The following SEZ6 variants were observed in gnomAD, a reference collection of about 807,000 sequenced individuals.
SEZ6 encodes the protein seizure protein 6 homolog.
A neutral mutation model predicts 101.0 loss-of-function variants in SEZ6; 53 were observed. The observed-to-expected ratio is 0.52, with a 90% CI of 0.42 to 0.66. SEZ6 has a LOEUF of 0.66. SEZ6 is among the 30% of genes least tolerant of loss of function. The pLI, the probability that SEZ6 is intolerant of heterozygous loss-of-function variation, is 0.00. For missense variants in SEZ6, 1,102 were observed against 1,289.4 expected (o/e 0.85, Z 2.23); for synonymous variants, 488 against 512.2 (o/e 0.95, Z 0.64).
At chr17:28,982,508 C>T (rs1467351597) in intron 1 of SEZ6, among the ~76,000 whole-genome samples, 3 of 152,216 alleles carry the variant, frequency 2.0e-5, no homozygotes, top group Admixed American at 6.5e-5. Context: ...AAGTGTGTCT[C>T]CCACCACAGT....
intron 3 of SEZ6, among the ~76,000 whole-genome samples, chr17:28,974,440 C>G (rs2041194437): frequency 6.6e-6 from 1 of 152,194 alleles, no homozygotes; most frequent in African/African-American, 2.4e-5. Context: ...CCTCACACAC[C>G]CGTGCTCCCT....
chr17:28,979,902 T>C (rs1411173195), intron 2 of SEZ6, 89 bp from the exon 3 acceptor site: 4 of 1,305,212 alleles, frequency 3.1e-6, no homozygotes, highest in Non-Finnish European at 4.1e-6. Context: ...TGTGTGTGTG[T>C]GTGTGTGTGT....
intron 1 of SEZ6, among the ~76,000 whole-genome samples, chr17:29,002,898 A>G (rs2041633518): frequency 1.3e-5 from 2 of 152,036 alleles, no homozygotes; most frequent in African/African-American, 4.8e-5. Context: ...TCCCTTCCAG[A>G]CATCATCCCT....
chr17:28,974,267 T>C (rs1478899468), intron 3 of SEZ6, among the ~76,000 whole-genome samples: 1 of 152,176 alleles, frequency 6.6e-6, no homozygotes, highest in Non-Finnish European at 1.5e-5. Flanking sequence ...TAGGCTCTCT[T>C]GGTCACCATC....
intron 5 of SEZ6, 140 bp from the exon 6 acceptor site, chr17:28,961,113 G>A (rs1022206169): frequency 3.4e-5 from 36 of 1,063,300 alleles, no homozygotes; most frequent in Admixed American, 9.8e-5. Flanking sequence ...GGCCCTCATC[G>A]TCCTGAAGGT....
At chr17:28,994,709 C>T (rs956755761) in intron 1 of SEZ6, among the ~76,000 whole-genome samples, 7 of 151,264 alleles carry the variant, frequency 4.6e-5, no homozygotes, top group Middle Eastern at 3.5e-3. Flanking sequence ...GCGTCCGGCC[C>T]GGTTACTGAC....
At chr17:29,006,215 G>A, upstream of SEZ6, 1 of 193,368 alleles carries the variant, frequency 5.2e-6, no homozygotes. Flanking sequence ...CTTCTGCGCT[G>A]CCCACCCCCA....
At chr17:28,958,881 C>G (rs755029226) in intron 10 of SEZ6, 144 bp downstream of exon 10, 21 of 910,582 alleles carry the variant, frequency 2.3e-5, no homozygotes, top group Non-Finnish European at 3.4e-5. Context: ...AGATGGAGAA[C>G]AGGACTAGCT....
intron 1 of SEZ6, among the ~76,000 whole-genome samples, chr17:29,003,618 A>G (rs1368449283): frequency 6.6e-6 from 1 of 152,038 alleles, no homozygotes; most frequent in East Asian, 1.9e-4. Context: ...GTGCCCAGGA[A>G]CCCCGGGATG....
intron 1 of SEZ6, 48 bp from the exon 2 acceptor site, chr17:28,982,087 C>A (rs2041316113): frequency 6.6e-6 from 10 of 1,517,704 alleles, no homozygotes; most frequent in Non-Finnish European, 1.8e-6. Context: ...CTCCAGAGAG[C>A]AGCATCACGC....
chr17:28,998,909 CATA>C (rs2041578674), intron 1 of SEZ6, among the ~76,000 whole-genome samples: 2 of 152,186 alleles, frequency 1.3e-5, no homozygotes, highest in African/African-American at 4.8e-5. Flanking sequence ...GTAGCTGGAT[CATA>C]TAGGTGCTGT....
At chr17:29,003,739 T>A (rs1321089846) in intron 1 of SEZ6, among the ~76,000 whole-genome samples, 6 of 152,168 alleles carry the variant, frequency 3.9e-5, no homozygotes, top group Non-Finnish European at 7.3e-5. Flanking sequence ...ATCCCAGCCC[T>A]CTCATCCTCA....
intron 1 of SEZ6, among the ~76,000 whole-genome samples, chr17:28,998,096 G>C (rs2041567326): frequency 6.6e-6 from 1 of 151,934 alleles, no homozygotes; most frequent in African/African-American, 2.4e-5. Context: ...GAGGGAAGGA[G>C]AGAGGAAGGG....
At chr17:28,964,886 G>C (rs939851307) in intron 4 of SEZ6, among the ~76,000 whole-genome samples, 1 of 145,618 alleles carries the variant, frequency 6.9e-6, no homozygotes, top group Non-Finnish European at 1.5e-5. Flanking sequence ...GATAAACCCC[G>C]TCTCTACTAA....
intron 4 of SEZ6, among the ~76,000 whole-genome samples, chr17:28,969,247 G>T (rs1289080803): frequency 6.6e-6 from 1 of 152,200 alleles, no homozygotes; most frequent in Non-Finnish European, 1.5e-5. Flanking sequence ...GTCAAGGTGG[G>T]TGAAGCAGTT....
rs749349563 is a variant in SEZ6, at chr17:28,959,040, C to T, written c.2092G>A (p.Val698Ile). 6.3e-5 allele frequency: 102 copies of T among 1,612,232 alleles called. No individual in the cohort carries two copies. In the South Asian group the frequency reaches 8.5e-4, roughly 13 times the overall value. The change falls in exon 10 of 17, where the codon GTC becomes ATC. Residue 698 changes from valine (V) to isoleucine (I), a missense_variant. Transcript: ENST00000317338. This position sits in a 1 kb window ranked among gnomAD's most constrained non-coding sequence, Gnocchi z 4.4. ...TSVLGYQQGF[V>I]IHFFEVPRND... ...ACAAGCTCACCAAAGAAGTGGATGA[C>T]GAAGCCCTGCTGGTAGCCCAGCACT...
chr17:28,992,363 C>G (rs758621776), intron 1 of SEZ6, among the ~76,000 whole-genome samples: 1 of 151,848 alleles, frequency 6.6e-6, no homozygotes, highest in African/African-American at 2.4e-5. Flanking sequence ...TGTGCACGTG[C>G]GTGTGTGTGT....
At chr17:28,957,751 TGAAATACTTA>T in intron 11 of SEZ6, 186 bp downstream of exon 11, 1 of 851,458 alleles carries the variant, frequency 1.2e-6, no homozygotes, top group Non-Finnish European at 1.8e-6. Flanking sequence ...CTACCAGGAA[TGAAATACTTA>T]GAGTACGTGG....
intron 14 of SEZ6, 92 bp downstream of exon 14, chr17:28,956,627 C>T (rs2040882743): frequency 2.0e-6 from 3 of 1,530,492 alleles, no homozygotes; most frequent in East Asian, 4.9e-5. Flanking sequence ...CTCTCTTTCT[C>T]TGCCCTCCCT....
Sources: allele counts gnomAD v4.1 joint callset (sites outside exome capture counted in the v4.1 genomes callset), GRCh38; gene constraint gnomAD v4.1.1; non-coding constraint Gnocchi (gnomAD v3.1); transcripts MANE v1.5; gene names NCBI Gene and HGNC (gene_info 2026-07-23, HGNC 2026-07-21).